The following FAM193A variants were observed in gnomAD, a reference collection of about 807,000 sequenced individuals.
FAM193A encodes the protein family with sequence similarity 193 member A, also known as protein FAM193A.
Under a neutral mutation model 126.5 loss-of-function variants are expected in FAM193A, and 22 were observed. The observed-to-expected ratio is 0.17, with a 90% CI of 0.12 to 0.25. The LOEUF is 0.25. Ranked by LOEUF, FAM193A falls within the 10% of genes least tolerant of loss-of-function variation. The probability of loss-of-function intolerance (pLI) is 1.00; values close to 1 mark genes in which losing one functional copy is unlikely to be tolerated. For missense variants in FAM193A, 1,675 were observed against 1,672.8 expected, an observed-to-expected ratio of 1.00 and a Z score of -0.02; for synonymous variants, 761 against 646.8, an observed-to-expected ratio of 1.18 and a Z score of -2.68.
At chr4:2,692,326 T>C (rs910832675) in intron 15 of FAM193A, among the ~76,000 whole-genome samples, 4 of 152,158 alleles carry the variant, frequency 2.6e-5, no homozygotes, top group African/African-American at 9.7e-5. Flanking sequence ...TAGAACAGCA[T>C]GGGGGAAACC....
At chr4:2,569,983 C>T (rs1739194440) in intron 1 of FAM193A, among the ~76,000 whole-genome samples, 1 of 152,030 alleles carries the variant, frequency 6.6e-6, no homozygotes, top group Non-Finnish European at 1.5e-5. Context: ...CATTCAGATG[C>T]TCTTGAAGTT....
At chr4:2,581,318 A>G (rs1288651058) in intron 1 of FAM193A, among the ~76,000 whole-genome samples, 2 of 149,728 alleles carry the variant, frequency 1.3e-5, no homozygotes, top group Non-Finnish European at 3.0e-5. Context: ...CAGGGGCACA[A>G]TCTTGGCTCA....
intron 19 of FAM193A, among the ~76,000 whole-genome samples, chr4:2,706,700 A>G (rs975952943): frequency 6.6e-6 from 1 of 150,416 alleles, no homozygotes. Context: ...AGTTATTTTT[A>G]GAGGCTCTAC....
chr4:2,620,836 C>CAAAAAAGAAA (rs1742498207), intron 2 of FAM193A, among the ~76,000 whole-genome samples: 1 of 69,100 alleles, frequency 1.4e-5, no homozygotes, highest in African/African-American at 6.1e-5. Flanking sequence ...AACTCCGTCT[C>CAAAAAAGAAA]AAAAAAAAAA....
intron 5 of FAM193A, among the ~76,000 whole-genome samples, chr4:2,637,641 C>T (rs1019681074): frequency 1.3e-5 from 2 of 152,238 alleles, no homozygotes; most frequent in African/African-American, 4.8e-5. Flanking sequence ...TCTAGCTCAG[C>T]AGTTCTTCCA....
At chr4:2,706,972 A>G (rs965627231) in intron 19 of FAM193A, among the ~76,000 whole-genome samples, 1 of 151,936 alleles carries the variant, frequency 6.6e-6, no homozygotes, top group Non-Finnish European at 1.5e-5. Context: ...GATAAAAAAA[A>G]TTAGCCAGGT....
At chr4:2,554,357 A>G (rs1738130286) in intron 1 of FAM193A, among the ~76,000 whole-genome samples, 1 of 152,146 alleles carries the variant, frequency 6.6e-6, no homozygotes, top group African/African-American at 2.4e-5. Flanking sequence ...TGCTGGGATT[A>G]CAGTCTTGAA....
chr4:2,640,949 A>G (rs1744559264), intron 6 of FAM193A, among the ~76,000 whole-genome samples: 3 of 151,630 alleles, frequency 2.0e-5, no homozygotes, highest in Admixed American at 2.0e-4. Context: ...TGGGTGATAG[A>G]GCGAGATGCT....
At chr4:2,671,084 G>T (rs78373278) in intron 12 of FAM193A, among the ~76,000 whole-genome samples, 3,240 of 152,266 alleles carry the variant, frequency 0.021, 49 homozygotes, top group South Asian at 0.036. Flanking sequence ...ATCCACAGGG[G>T]CTCCATTGTT....
chr4:2,693,957 C>T lies in FAM193A; in HGVS notation c.3092+83C>T, dbSNP rs1032506212. The T allele has an allele frequency of 7.6e-5, 107 of 1,402,264 alleles. No individual in the cohort carries two copies. In the African/African-American group the frequency reaches 1.5e-3, roughly 19 times the overall value. The allele number at this position is 1,402,264 out of a possible 1,614,324, so 86.9% of individuals were successfully genotyped here. Reference sequence around the variant, plus strand: ...CACTAACACAGCTACAGAAACTCCCCTGGGACCATGCAGTGGAAAAGTCTA... The same window carrying T: ...CACTAACACAGCTACAGAAACTCCCTTGGGACCATGCAGTGGAAAAGTCTA... On this transcript the variant is annotated intron_variant, in intron 16 of 20. Coordinates refer to ENST00000637812, the MANE Select transcript of FAM193A (RefSeq NM_001366318.2).
At chr4:2,600,747 A>G (rs948573378) in intron 2 of FAM193A, among the ~76,000 whole-genome samples, 14 of 152,242 alleles carry the variant, frequency 9.2e-5, no homozygotes, top group Middle Eastern at 3.4e-3. Flanking sequence ...ATCTTCTTCA[A>G]GACTTTGTCG....
At position 2,695,143 on chromosome 4, in the gene FAM193A, G is replaced by T. The variant is rs1716889665; in HGVS notation, c.3276+14G>T. ...GGGCACGGCGGGGTGAGTGCATGAGGTCAGCGCATCATGATGTGGGAAGTG... is the reference window on the plus strand; with the variant it reads ...GGGCACGGCGGGGTGAGTGCATGAGTTCAGCGCATCATGATGTGGGAAGTG... On this transcript the variant is annotated intron_variant, in intron 17 of 20. Transcript: ENST00000637812. 4 of 1,569,994 alleles carry T rather than the reference G, an allele frequency of 2.5e-6. No individual in the cohort carries two copies. The East Asian group carries it at 6.9e-5, about 27-fold the overall frequency.
chr4:2,597,351 TG>T (rs1384759510), intron 2 of FAM193A, among the ~76,000 whole-genome samples: 1 of 152,228 alleles, frequency 6.6e-6, no homozygotes, highest in Non-Finnish European at 1.5e-5. Flanking sequence ...TTTTTTTGTT[TG>T]TTTTTTTACC....
At chr4:2,648,289 C>T (rs1422845419) in intron 7 of FAM193A, among the ~76,000 whole-genome samples, 2 of 152,100 alleles carry the variant, frequency 1.3e-5, no homozygotes, top group Non-Finnish European at 2.9e-5. Context: ...GGCAGGTGGC[C>T]CTGAGACTCT....
At chr4:2,615,972 C>T (rs922811075) in intron 2 of FAM193A, among the ~76,000 whole-genome samples, 4 of 152,096 alleles carry the variant, frequency 2.6e-5, no homozygotes, top group East Asian at 1.9e-4. Flanking sequence ...CCACCATGCC[C>T]GGCTAATGTT....
At chr4:2,664,563 T>C (rs1577164538) in intron 12 of FAM193A, among the ~76,000 whole-genome samples, 1 of 125,982 alleles carries the variant, frequency 7.9e-6, no homozygotes, top group African/African-American at 3.1e-5. Flanking sequence ...TCTTTCTTTT[T>C]TTTTTTTTTT....
At chr4:2,664,692 T>C (rs998734622) in intron 12 of FAM193A, among the ~76,000 whole-genome samples, 4 of 151,878 alleles carry the variant, frequency 2.6e-5, no homozygotes, top group Middle Eastern at 3.4e-3. Context: ...GCCTCCCAAG[T>C]ATCTGGGACT....
At chr4:2,573,236 G>C (rs912263763) in intron 1 of FAM193A, among the ~76,000 whole-genome samples, 11 of 152,118 alleles carry the variant, frequency 7.2e-5, no homozygotes, top group Admixed American at 6.5e-4. Context: ...CATGAGGCCA[G>C]GTGCAGTGGC....
intron 20 of FAM193A, among the ~76,000 whole-genome samples, chr4:2,722,724 ATGTT>A (rs1424667231): frequency 2.6e-5 from 4 of 152,206 alleles, no homozygotes; most frequent in Non-Finnish European, 4.4e-5. Flanking sequence ...GCATTCACGA[ATGTT>A]TGTGGTTGAA....
Sources: gnomAD v4.1 joint callset for allele counts (sites outside exome capture counted in the v4.1 genomes callset) on GRCh38, gnomAD v4.1.1 for gene constraint, MANE v1.5 for transcripts, NCBI Gene and HGNC (gene_info 2026-07-23, HGNC 2026-07-21) for gene names.